AUTS2: variants seen among roughly 807,000 people sequenced by gnomAD.
The protein encoded by AUTS2 is activator of transcription and developmental regulator AUTS2.
AUTS2 carries 17 observed loss-of-function variants against 112.4 expected under a neutral mutation model. The observed-to-expected ratio is 0.15, with a 90% CI of 0.10 to 0.23. The LOEUF is 0.23. Ranked by LOEUF, AUTS2 falls within the 10% of genes least tolerant of loss-of-function variation. The pLI, the probability that AUTS2 is intolerant of heterozygous loss-of-function variation, is 1.00. For synonymous variants in AUTS2, 751 were observed against 702.7 expected (o/e 1.07, Z -1.09); for missense variants, 1,510 against 1,701.6 (o/e 0.89, Z 1.98).
At chr7:70,148,332 A>T (rs576138591) in intron 4 of AUTS2, among the ~76,000 whole-genome samples, 1 of 152,250 alleles carries the variant, frequency 6.6e-6, no homozygotes, top group African/African-American at 2.4e-5. Flanking sequence ...TAGCTTAAGA[A>T]AAAAGAGAGC....
intron 1 of AUTS2, among the ~76,000 whole-genome samples, chr7:69,640,746 G>A (rs1794765046): frequency 6.6e-6 from 1 of 152,136 alleles, no homozygotes; most frequent in Admixed American, 6.5e-5. Context: ...TGACACACTT[G>A]TTAATATCCC....
intron 7 of AUTS2, 88 bp downstream of exon 7, chr7:70,763,429 C>T (rs570717956): frequency 3.3e-6 from 3 of 913,672 alleles, no homozygotes; most frequent in South Asian, 3.6e-5. Flanking sequence ...CCTAGGGAGA[C>T]TGAGGTTTCC....
intron 4 of AUTS2, 46 bp from the exon 5 acceptor site, chr7:70,435,706 T>C: frequency 1.2e-6 from 2 of 1,604,900 alleles, no homozygotes; most frequent in East Asian, 2.2e-5. Flanking sequence ...AGCAAAAACA[T>C]ACTCAGTTCT....
chr7:70,720,324 G>A (rs543238262), intron 6 of AUTS2, among the ~76,000 whole-genome samples: 26 of 152,138 alleles, frequency 1.7e-4, no homozygotes, highest in African/African-American at 5.8e-4. Context: ...CCGCTGCCTC[G>A]GGGAATACTG....
chr7:70,588,549 T>C (rs1296448178), intron 5 of AUTS2, among the ~76,000 whole-genome samples: 2 of 152,152 alleles, frequency 1.3e-5, no homozygotes, highest in Non-Finnish European at 2.9e-5. Flanking sequence ...GCAGGAAAGA[T>C]TTTTGAAAAC....
chr7:70,487,049 T>C (rs1798039976), intron 5 of AUTS2, among the ~76,000 whole-genome samples: 1 of 152,182 alleles, frequency 6.6e-6, no homozygotes, highest in Non-Finnish European at 1.5e-5. Context: ...GGTTGGCTGC[T>C]GAGGACAGCC....
At chr7:70,444,789 G>A (rs1458500282) in intron 5 of AUTS2, among the ~76,000 whole-genome samples, 1 of 152,064 alleles carries the variant, frequency 6.6e-6, no homozygotes. Context: ...ATATACTTAC[G>A]GAGACAGCCG....
intron 4 of AUTS2, among the ~76,000 whole-genome samples, chr7:70,384,825 C>A (rs1032847179): frequency 6.6e-6 from 1 of 152,112 alleles, no homozygotes; most frequent in Non-Finnish European, 1.5e-5. Flanking sequence ...TCTTTCATAT[C>A]CCCCACTGGC....
intron 5 of AUTS2, among the ~76,000 whole-genome samples, chr7:70,684,754 A>G (rs978180566): frequency 2.0e-5 from 3 of 152,146 alleles, no homozygotes; most frequent in African/African-American, 2.4e-5. Context: ...GCACCATGCT[A>G]TAATCCTCAT....
Position 70,768,158 on chromosome 7 carries a change from C to T in AUTS2, c.1734+90C>T, listed in dbSNP as rs1176861773. Reference sequence around the variant, plus strand: ...AGATCAGTCAATGACTAGCAGCCTTCCTTAATCATCTTTGCAAGAGTTCCC... The same window carrying T: ...AGATCAGTCAATGACTAGCAGCCTTTCTTAATCATCTTTGCAAGAGTTCCC... On this transcript the variant is annotated intron_variant, in intron 10 of 18. Transcript: ENST00000342771. The T allele has an allele frequency of 2.4e-6, 3 of 1,242,320 alleles. No individual in the cohort carries two copies. In the East Asian group the frequency reaches 7.8e-5, roughly 32 times the overall value. 77.0% of individuals were successfully genotyped at this position (1,242,320 alleles called of 1,614,324 possible).
At chr7:69,845,329 C>G (rs1053543279) in intron 1 of AUTS2, among the ~76,000 whole-genome samples, 1 of 152,124 alleles carries the variant, frequency 6.6e-6, no homozygotes, top group African/African-American at 2.4e-5. Flanking sequence ...ATTACCACTC[C>G]GTTATCCCTG....
At chr7:70,365,438 T>A (rs2129628591) in intron 4 of AUTS2, among the ~76,000 whole-genome samples, 1 of 152,328 alleles carries the variant, frequency 6.6e-6, no homozygotes, top group South Asian at 2.1e-4. Context: ...ACGTGTGGTG[T>A]AGACCAGAAG....
At chr7:69,928,694 A>G (rs935988387) in intron 2 of AUTS2, among the ~76,000 whole-genome samples, 3 of 151,852 alleles carry the variant, frequency 2.0e-5, no homozygotes, top group African/African-American at 7.3e-5. Flanking sequence ...AGGAGCAGGC[A>G]CTTCTGAGCC....
chr7:70,701,931 T>C (rs1317024541), intron 6 of AUTS2, among the ~76,000 whole-genome samples: 4 of 152,152 alleles, frequency 2.6e-5, no homozygotes, highest in Admixed American at 6.5e-5. Context: ...ATTTAGTTGA[T>C]TGAAATGCTA....
rs80256360 is a variant in AUTS2, at chr7:70,649,500, T to TTTTATTTATTTA, written c.691-49037_691-49026dup. Reference sequence around the variant, plus strand: ...CTCAGAGTGTCCCAGTGGTGATTTATTTTATTTATTTATTTATTTATTTAT... The same window carrying TTTTATTTATTTA: ...CTCAGAGTGTCCCAGTGGTGATTTATTTTATTTATTTATTTATTTATTTATTTATTTATTTAT... On this transcript the variant is annotated intron_variant, in intron 5 of 18. Transcript: ENST00000342771. 2.0e-3 allele frequency among the ~76,000 whole-genome samples: 285 copies of TTTTATTTATTTA among 143,868 alleles called. 2 individuals are homozygous for TTTTATTTATTTA. The highest frequency in any genetic ancestry group is 3.6e-3 in the South Asian group (16 of 4,462). 94.4% of individuals were successfully genotyped at this position (143,868 alleles called of 152,430 possible). A position where few individuals can be genotyped will look rare whatever the true frequency, so the allele number is the denominator to read the frequency against.
intron 4 of AUTS2, among the ~76,000 whole-genome samples, chr7:70,347,372 C>T (rs1791542954): frequency 6.6e-6 from 1 of 152,138 alleles, no homozygotes; most frequent in African/African-American, 2.4e-5. Context: ...CTATAATTTC[C>T]TTGAGGACTG....
intron 4 of AUTS2, among the ~76,000 whole-genome samples, chr7:70,276,659 G>A (rs1336159215): frequency 1.3e-5 from 2 of 152,128 alleles, no homozygotes; most frequent in Non-Finnish European, 2.9e-5. Flanking sequence ...GATTACAGGT[G>A]TGAGCCACTG....
chr7:70,307,729 G>A (rs1789550884), intron 4 of AUTS2, among the ~76,000 whole-genome samples: 4 of 152,176 alleles, frequency 2.6e-5, no homozygotes, highest in Admixed American at 2.6e-4. Flanking sequence ...TATATGCACT[G>A]CCTTGCAGTA....
At chr7:69,661,063 G>A (rs1284293784) in intron 1 of AUTS2, among the ~76,000 whole-genome samples, 2 of 152,204 alleles carry the variant, frequency 1.3e-5, no homozygotes, top group Admixed American at 1.3e-4. Context: ...GACATTGGCG[G>A]CAAGTCTTTT....
Sources: allele counts gnomAD v4.1 joint callset (sites outside exome capture counted in the v4.1 genomes callset), GRCh38; gene constraint gnomAD v4.1.1; transcripts MANE v1.5; gene names NCBI Gene and HGNC (gene_info 2026-07-23, HGNC 2026-07-21).